AGAP4: variants seen among roughly 807,000 people sequenced by gnomAD.
AGAP4 encodes the protein ArfGAP with GTPase domain, ankyrin repeat and PH domain 4.
Under a neutral mutation model 60.7 loss-of-function variants are expected in AGAP4, and 13 were observed. That is an observed-to-expected ratio of 0.21 (90% CI 0.14 to 0.34). The LOEUF (loss-of-function observed/expected upper bound fraction) is 0.34. AGAP4 is among the 10% of genes least tolerant of loss of function. The pLI is 1.00. For missense variants in AGAP4, 169 were observed against 884.0 expected (o/e 0.19, Z 10.26); for synonymous variants, 70 against 339.0 (o/e 0.21, Z 8.72).
Position 45,847,464 on chromosome 10 carries a change from G to A in AGAP4, c.-117C>T, listed in dbSNP as rs1389165719. The A allele has an allele frequency of 1.2e-5, 18 of 1,530,770 alleles. No individual in the cohort carries two copies. The Admixed American group carries it at 1.4e-4, about 12-fold the overall frequency. The allele number at this position is 1,530,770 out of a possible 1,614,324, so 94.8% of individuals were successfully genotyped here. A position where few individuals can be genotyped will look rare whatever the true frequency, so the allele number is the denominator to read the frequency against. On this transcript the variant is annotated 5_prime_UTR_variant, in exon 1 of 8. Coordinates refer to ENST00000616763, the MANE Select transcript of AGAP4 (RefSeq NM_001276343.3). The stretch of plus-strand genomic sequence containing the variant: ...TGCAGAGATGGTCTTCCCGCTCCTC[G>A]CCTGCCCACCTCACAGCGCGGCCCC...
upstream of AGAP4, among the ~76,000 whole-genome samples, chr10:45,849,282 C>T (rs1266761976): frequency 6.6e-6 from 1 of 151,596 alleles, no homozygotes; most frequent in African/African-American, 2.4e-5. Context: ...CTGAATATCA[C>T]AAGAACAGCA....
Position 45,843,025 on chromosome 10 carries a change from G to A in AGAP4, c.361+1301C>T, listed in dbSNP as rs1260429947. Reference sequence around the variant, plus strand: ...AAAGACTGTGGTACTGGCCAGGTGCGGTGGCTGAAGCCTGTAATCCCAGCA... The same window carrying A: ...AAAGACTGTGGTACTGGCCAGGTGCAGTGGCTGAAGCCTGTAATCCCAGCA... On this transcript the variant is annotated intron_variant, in intron 3 of 7. Coordinates refer to ENST00000616763, the MANE Select transcript of AGAP4 (RefSeq NM_001276343.3). Among the ~76,000 whole-genome samples, 3 of 84,954 alleles carry A rather than the reference G, an allele frequency of 3.5e-5. 1 individual carries two copies. Among genetic ancestry groups the A allele is most frequent in the Non-Finnish European group, 7.0e-5 (3 of 42,726 alleles). The allele number at this position is 84,954 out of a possible 152,430, so 55.7% of individuals were successfully genotyped here. A position where few individuals can be genotyped will look rare whatever the true frequency, so the allele number is the denominator to read the frequency against.
Position 45,847,224 on chromosome 10 carries a change from C to T in AGAP4, c.124G>A (p.Gly42Arg). ...TGTACAGCAGCAGCCATGGGCGCTC[C>T]TGCCATCCTGTCCCCAGCTCCTGCC... ...YEAGAGDRMA[G>R]APMAAAVQPA... Residue 42 changes from glycine to arginine, a missense_variant, in exon 1 of 8, where the codon GGA becomes AGA. Transcript: ENST00000616763. 1.3e-6 allele frequency: 2 copies of T among 1,579,480 alleles called. No individual in the cohort carries two copies.
At chr10:45,839,984 G>C (rs1323231223) in intron 4 of AGAP4, among the ~76,000 whole-genome samples, 1 of 150,336 alleles carries the variant, frequency 6.7e-6, no homozygotes, top group South Asian at 2.1e-4. Context: ...AGGCGTACTG[G>C]TCTAAGCAGC....
chr10:45,851,303 G>T (rs1430224367), upstream of AGAP4, among the ~76,000 whole-genome samples: 2 of 151,918 alleles, frequency 1.3e-5, no homozygotes, highest in African/African-American at 2.4e-5. Context: ...TATGAATCAG[G>T]AATGGCTGCT....
intron 4 of AGAP4, among the ~76,000 whole-genome samples, chr10:45,836,932 T>C (rs1158673984): frequency 6.7e-6 from 1 of 150,048 alleles, no homozygotes; most frequent in African/African-American, 2.5e-5. Context: ...AGTGTGGTGA[T>C]CTTGGCTCAC....
Position 45,831,431 on chromosome 10 carries a change from T to G in AGAP4, c.498-2A>C. The G allele has an allele frequency of 6.3e-7, 1 of 1,588,108 alleles. No homozygotes were observed. ...TGATGAGGTATCTCCAAGGTCACAC[T>G]GTGGAAGGAAAAAAATTCATAACAA... On this transcript the variant is annotated splice_acceptor_variant, in intron 5 of 7. Coordinates refer to ENST00000616763, the MANE Select transcript of AGAP4 (RefSeq NM_001276343.3). LOFTEE classifies it high-confidence loss of function.
chr10:45,846,623 C>A, intron 2 of AGAP4, 64 bp downstream of exon 2: 1 of 619,906 alleles, frequency 1.6e-6, no homozygotes, highest in South Asian at 2.0e-5. Context: ...AAGAGAATAG[C>A]TCAAAGAAGC....
chr10:45,836,229 T>C (rs4042897), intron 4 of AGAP4, among the ~76,000 whole-genome samples: 2 of 136,248 alleles, frequency 1.5e-5, no homozygotes, highest in Middle Eastern at 3.9e-3. Flanking sequence ...AAGTATTTTA[T>C]TTTAGTTTAG....
Position 45,847,483 on chromosome 10 carries a change from C to T in AGAP4, c.-136G>A, listed in dbSNP as rs1193268719. ...CTCCTCGCCTGCCCACCTCACAGCG[C>T]GGCCCCGGGCACCAGCCCTGGCCCT... On this transcript the variant is annotated 5_prime_UTR_variant, in exon 1 of 8. Coordinates refer to ENST00000616763, the MANE Select transcript of AGAP4 (RefSeq NM_001276343.3). 91 of 1,515,708 alleles carry T rather than the reference C, an allele frequency of 6.0e-5. 4 individuals are homozygous for T. In the African/African-American group the frequency reaches 6.1e-4, roughly 10 times the overall value. The allele number at this position is 1,515,708 out of a possible 1,614,324, so 93.9% of individuals were successfully genotyped here.
upstream of AGAP4, among the ~76,000 whole-genome samples, chr10:45,851,816 C>A (rs1436401311): frequency 6.6e-6 from 1 of 151,682 alleles, no homozygotes; most frequent in Non-Finnish European, 1.5e-5. Flanking sequence ...TGGACTCCTA[C>A]AAAAGCAAGA....
rs2058884708 is a variant in AGAP4 at position 45,839,613 on chromosome 10, T to A, written c.396+2040A>T. On this transcript the variant is annotated intron_variant, in intron 4 of 7. Transcript: ENST00000616763. ...AGATCCTTCTCAGAAGAAACTGAAA[T>A]GTCTTCAAAAAAGATCCCCAGATAA... Among the ~76,000 whole-genome samples the A allele has an allele frequency of 1.7e-5, 2 of 119,072 alleles. 1 individual carries two copies. Among genetic ancestry groups the A allele is most frequent in the Non-Finnish European group, 3.6e-5 (2 of 55,106 alleles). The allele number at this position is 119,072 out of a possible 152,430, so 78.1% of individuals were successfully genotyped here. A position where few individuals can be genotyped will look rare whatever the true frequency, so the allele number is the denominator to read the frequency against.
At position 45,831,527 on chromosome 10, in the gene AGAP4, C is replaced by G; in HGVS notation, c.498-98G>C. On this transcript the variant is annotated intron_variant, in intron 5 of 7. Coordinates refer to ENST00000616763, the MANE Select transcript of AGAP4 (RefSeq NM_001276343.3). ...GGCAGAGGAAACTCTCCTAGTGGCC[C>G]TGAAATTCAAATCTTCTAGTTCAGA... 4.7e-6 allele frequency: 5 copies of G among 1,070,436 alleles called. No homozygotes were observed. The South Asian group carries it at 6.7e-5, about 14-fold the overall frequency. The allele number at this position is 1,070,436 out of a possible 1,614,324, so 66.3% of individuals were successfully genotyped here.
rs1481192545 is a variant in AGAP4 at position 45,830,684 on chromosome 10, G to A, written c.533+710C>T. Among the ~76,000 whole-genome samples the A allele has an allele frequency of 9.4e-5, 12 of 127,826 alleles. No homozygotes were observed. In the East Asian group the frequency reaches 1.4e-3, roughly 15 times the overall value. 83.9% of individuals were successfully genotyped at this position (127,826 alleles called of 152,430 possible). A position where few individuals can be genotyped will look rare whatever the true frequency, so the allele number is the denominator to read the frequency against. ...GTATTTTTAGTAGAGACGGGGCTTC[G>A]CTGTGTTAGCCAGGATGGTCTCGAT... On this transcript the variant is annotated intron_variant, in intron 6 of 7. Transcript: ENST00000616763.
At position 45,846,240 on chromosome 10, in the gene AGAP4, C is replaced by G. The variant is rs1419231044; in HGVS notation, c.292+447G>C. 1.0e-3 allele frequency among the ~76,000 whole-genome samples: 159 copies of G among 151,668 alleles called. 2 individuals are homozygous for G. In the Middle Eastern group the frequency reaches 0.014, roughly 13 times the overall value. ...CTTTGAGAAACCCCAAACACACACA[C>G]ACAACCATTTTTCTGCAGCCCCGGC... On this transcript the variant is annotated intron_variant, in intron 2 of 7. Coordinates refer to ENST00000616763, the MANE Select transcript of AGAP4 (RefSeq NM_001276343.3).
upstream of AGAP4, among the ~76,000 whole-genome samples, chr10:45,848,124 C>A (rs2059030283): frequency 1.3e-5 from 2 of 148,230 alleles, no homozygotes; most frequent in Admixed American, 6.8e-5. Context: ...AAACACTCCT[C>A]TCCTGTCTTC....
intron 3 of AGAP4, among the ~76,000 whole-genome samples, chr10:45,842,599 AC>A (rs1414270335): frequency 2.0e-5 from 3 of 149,038 alleles, no homozygotes; most frequent in Non-Finnish European, 4.4e-5. Flanking sequence ...TGTCTGCAGC[AC>A]AAAAAATCAT....
At chr10:45,839,643 C>T (rs1398069477) in intron 4 of AGAP4, among the ~76,000 whole-genome samples, 3 of 113,944 alleles carry the variant, frequency 2.6e-5, no homozygotes, top group African/African-American at 6.7e-5. Context: ...AGATAATACA[C>T]TGAGGTCTCC....
intron 2 of AGAP4, among the ~76,000 whole-genome samples, chr10:45,846,467 A>G (rs1412541850): frequency 3.0e-4 from 45 of 151,876 alleles, no homozygotes; most frequent in African/African-American, 1.1e-3. Context: ...TTGAATAGGA[A>G]CTGTCTTGAG....
Sources: gnomAD v4.1 joint callset for allele counts (sites outside exome capture counted in the v4.1 genomes callset) on GRCh38, gnomAD v4.1.1 for gene constraint, MANE v1.5 for transcripts, NCBI Gene and HGNC (gene_info 2026-07-23, HGNC 2026-07-21) for gene names.